SH3PXD2A: variants seen among roughly 807,000 people sequenced by gnomAD.
The protein encoded by SH3PXD2A is SH3 and PX domain-containing protein 2A.
A neutral mutation model predicts 115.2 loss-of-function variants in SH3PXD2A; 32 were observed. That is an observed-to-expected ratio of 0.28 (90% CI 0.21 to 0.37). The LOEUF (loss-of-function observed/expected upper bound fraction) is 0.37. Ranked by LOEUF, SH3PXD2A falls within the 10% of genes least tolerant of loss-of-function variation. The probability of loss-of-function intolerance (pLI) is 1.00; values close to 1 mark genes in which losing one functional copy is unlikely to be tolerated. For synonymous variants in SH3PXD2A, 610 were observed against 629.1 expected, an observed-to-expected ratio of 0.97 and a Z score of 0.45; for missense variants, 1,328 against 1,498.7, an observed-to-expected ratio of 0.89 and a Z score of 1.88.
intron 2 of SH3PXD2A, among the ~76,000 whole-genome samples, chr10:103,796,909 TGGA>T (rs2134258906): frequency 6.7e-6 from 1 of 148,586 alleles, no homozygotes; most frequent in Non-Finnish European, 1.5e-5. Flanking sequence ...TTGCCCAGGC[TGGA>T]GTGCAGTGGC....
At chr10:103,776,273 G>A (rs1305728621) in intron 2 of SH3PXD2A, among the ~76,000 whole-genome samples, 1 of 151,926 alleles carries the variant, frequency 6.6e-6, no homozygotes, top group East Asian at 1.9e-4. Flanking sequence ...TGCACCTGTG[G>A]TCTCAGCTAC....
At position 103,672,007 on chromosome 10, in the gene SH3PXD2A, G is replaced by A. The variant is rs547048569; in HGVS notation, c.428-3355C>T. Reference sequence around the variant, plus strand: ...AAGTGGCTTAAAGACTCTGGGCTTTGGCTGGGCGGTGGCTCACCCTGTAAT... The same window carrying A: ...AAGTGGCTTAAAGACTCTGGGCTTTAGCTGGGCGGTGGCTCACCCTGTAAT... On this transcript the variant is annotated intron_variant, in intron 6 of 14. Coordinates refer to ENST00000369774, the MANE Select transcript of SH3PXD2A (RefSeq NM_001394015.1). Among the ~76,000 whole-genome samples the A allele has an allele frequency of 1.2e-3, 179 of 152,280 alleles. 3 individuals are homozygous for A. Among genetic ancestry groups the A allele is most frequent in the South Asian group, 2.5e-3 (12 of 4,826 alleles).
intron 1 of SH3PXD2A, among the ~76,000 whole-genome samples, chr10:103,822,211 G>A (rs2039388342): frequency 6.6e-6 from 1 of 152,216 alleles, no homozygotes; most frequent in Non-Finnish European, 1.5e-5. Flanking sequence ...CTTCTCATTT[G>A]ACTTATTTGT....
chr10:103,745,597 TC>T, intron 3 of SH3PXD2A, among the ~76,000 whole-genome samples: 1 of 152,094 alleles, frequency 6.6e-6, no homozygotes, highest in South Asian at 2.1e-4. Context: ...AGTTGACACT[TC>T]CAGGTCAAGG....
At chr10:103,659,824 G>A (rs1042712725) in intron 8 of SH3PXD2A, among the ~76,000 whole-genome samples, 4 of 152,144 alleles carry the variant, frequency 2.6e-5, no homozygotes, top group African/African-American at 7.2e-5. Context: ...CTGGTGGCAG[G>A]AGCCTGCACC....
intron 7 of SH3PXD2A, among the ~76,000 whole-genome samples, chr10:103,663,271 A>C (rs1325216822): frequency 1.3e-5 from 2 of 152,214 alleles, no homozygotes; most frequent in Non-Finnish European, 2.9e-5. Flanking sequence ...GTGATGTGCC[A>C]GGCACATTAA....
At chr10:103,641,154 A>C (rs550152077) in intron 8 of SH3PXD2A, among the ~76,000 whole-genome samples, 1 of 152,366 alleles carries the variant, frequency 6.6e-6, no homozygotes, top group South Asian at 2.1e-4. Context: ...AAAGTCTTAA[A>C]TGGAGAGACA....
At chr10:103,724,091 C>T (rs894245742) in intron 5 of SH3PXD2A, among the ~76,000 whole-genome samples, 179 bp downstream of exon 5, 4 of 152,212 alleles carry the variant, frequency 2.6e-5, no homozygotes, top group Non-Finnish European at 2.9e-5. Context: ...AGAGTGGGCT[C>T]TGGCACTAGG....
At chr10:103,661,760 G>A in intron 7 of SH3PXD2A, 1 of 985,298 alleles carries the variant, frequency 1.0e-6, no homozygotes, top group Non-Finnish European at 1.2e-6. Context: ...AATCACTGGG[G>A]TTTACTCGCA....
chr10:103,645,896 C>T (rs774864096), intron 8 of SH3PXD2A, among the ~76,000 whole-genome samples: 1 of 152,184 alleles, frequency 6.6e-6, no homozygotes, highest in Non-Finnish European at 1.5e-5. Flanking sequence ...GCACAAGCCT[C>T]CAGTGGATTC....
In SH3PXD2A at chr10:103,609,149, CTG is replaced by C. The variant is rs1206363227; in HGVS notation, c.1308+2430_1308+2431del. 6.9e-5 allele frequency: 10 copies of C among 144,388 alleles called. No homozygotes were observed. The Admixed American group carries it at 7.0e-4, about 10-fold the overall frequency. The allele number at this position is 144,388 out of a possible 1,614,324, so 8.9% of individuals were successfully genotyped here. On this transcript the variant is annotated intron_variant, in intron 13 of 14. Transcript: ENST00000369774. ...CCAGCCCAACTGACAGAGTGAGACT[CTG>C]TCTCTGAAAAAAAAAAAAAAAAAGA... is the stretch of plus-strand genomic sequence containing the variant.
At chr10:103,705,699 G>T (rs2037972270) in intron 5 of SH3PXD2A, among the ~76,000 whole-genome samples, 1 of 152,206 alleles carries the variant, frequency 6.6e-6, no homozygotes, top group African/African-American at 2.4e-5. Flanking sequence ...TTGTGGCTAA[G>T]AAGGACACAT....
chr10:103,690,415 A>C (rs138416614), intron 6 of SH3PXD2A, among the ~76,000 whole-genome samples: 16 of 152,332 alleles, frequency 1.1e-4, no homozygotes, highest in Middle Eastern at 3.4e-3. Flanking sequence ...GAACTGGCTT[A>C]TGTGATTGTG....
At chr10:103,758,933 T>A (rs1182426154) in intron 3 of SH3PXD2A, among the ~76,000 whole-genome samples, 2 of 152,204 alleles carry the variant, frequency 1.3e-5, no homozygotes, top group Non-Finnish European at 2.9e-5. Context: ...CCTCTCTTCC[T>A]TGGGGGTTGC....
At chr10:103,791,246 T>C (rs1423991851) in intron 2 of SH3PXD2A, among the ~76,000 whole-genome samples, 1 of 152,234 alleles carries the variant, frequency 6.6e-6, no homozygotes, top group Non-Finnish European at 1.5e-5. Flanking sequence ...AGATGGCTTT[T>C]GATTTTCTAC....
intron 3 of SH3PXD2A, chr10:103,754,692 G>A (rs953504842): frequency 1.3e-5 from 2 of 152,102 alleles, no homozygotes; most frequent in African/African-American, 2.4e-5. Context: ...GGGGAGAGAG[G>A]GCTGTTACTC....
chr10:103,781,298 T>C (rs2038929431), intron 2 of SH3PXD2A, among the ~76,000 whole-genome samples: 1 of 152,098 alleles, frequency 6.6e-6, no homozygotes. Flanking sequence ...ATGAGCAGGG[T>C]AATGTACCCT....
rs1272498606 is a variant in SH3PXD2A at position 103,596,654 on chromosome 10, C to G, written c.*5162G>C. On this transcript the variant is annotated 3_prime_UTR_variant, in exon 15 of 15. Coordinates refer to ENST00000369774, the MANE Select transcript of SH3PXD2A (RefSeq NM_001394015.1). Reference sequence around the variant, plus strand: ...ACACAGACACACACACACACACACACACACACACACTCTCTCTCTCTCTCT... The same window carrying G: ...ACACAGACACACACACACACACACAGACACACACACTCTCTCTCTCTCTCT... 1.3e-5 allele frequency: 1 copy of G among 76,976 alleles called. No individual in the cohort carries two copies. Among genetic ancestry groups the G allele is most frequent in the Non-Finnish European group, 2.8e-5 (1 of 35,350 alleles). The allele number at this position is 76,976 out of a possible 1,614,324, so 4.8% of individuals were successfully genotyped here.
chr10:103,716,467 C>G (rs554290228), intron 5 of SH3PXD2A, among the ~76,000 whole-genome samples: 16 of 152,332 alleles, frequency 1.1e-4, no homozygotes, highest in Admixed American at 9.1e-4. Context: ...AGAACAGAAA[C>G]CAGTTTAGCA....
Sources: gnomAD v4.1 joint callset for allele counts (sites outside exome capture counted in the v4.1 genomes callset) on GRCh38, gnomAD v4.1.1 for gene constraint, MANE v1.5 for transcripts, NCBI Gene and HGNC (gene_info 2026-07-23, HGNC 2026-07-21) for gene names.